DLGAP2: variants seen among roughly 807,000 people sequenced by gnomAD.
DLGAP2 encodes the protein DLG associated protein 2.
Under a neutral mutation model 100.3 loss-of-function variants are expected in DLGAP2, and 26 were observed. That is an observed-to-expected ratio of 0.26 (90% CI 0.19 to 0.36). The LOEUF is 0.36. DLGAP2 is among the 10% of genes least tolerant of loss of function. The pLI is 1.00. For missense variants in DLGAP2, 1,858 were observed against 1,453.2 expected (o/e 1.28, Z -4.53); for synonymous variants, 886 against 630.1 (o/e 1.41, Z -6.08).
chr8:1,345,296 C>T (rs1395124778), intron 3 of DLGAP2, among the ~76,000 whole-genome samples: 1 of 109,056 alleles, frequency 9.2e-6, no homozygotes, highest in African/African-American at 3.0e-5. Flanking sequence ...AGGTTCAGTT[C>T]CTTCAGAGCA....
At chr8:777,983 A>G (rs925650801) in intron 1 of DLGAP2, among the ~76,000 whole-genome samples, 8 of 152,102 alleles carry the variant, frequency 5.3e-5, no homozygotes, top group African/African-American at 4.8e-5. Context: ...ACTTTCAGGT[A>G]CACCAATCAG....
intron 2 of DLGAP2, among the ~76,000 whole-genome samples, chr8:1,223,799 T>C (rs368277495): frequency 6.6e-6 from 1 of 152,162 alleles, no homozygotes; most frequent in Non-Finnish European, 1.5e-5. Context: ...ATAAAAACAA[T>C]TGAATAGTAG....
At chr8:1,367,741 C>T (rs1802140703) in intron 3 of DLGAP2, among the ~76,000 whole-genome samples, 1 of 152,218 alleles carries the variant, frequency 6.6e-6, no homozygotes, top group Non-Finnish European at 1.5e-5. Flanking sequence ...CCTATTGCAG[C>T]ACGTCCTTCA....
chr8:1,597,051 A>C (rs1297517386), intron 6 of DLGAP2, among the ~76,000 whole-genome samples: 1 of 152,194 alleles, frequency 6.6e-6, no homozygotes, highest in Non-Finnish European at 1.5e-5. Context: ...ATAAGGTGTA[A>C]GGAAGGAGTC....
intron 3 of DLGAP2, among the ~76,000 whole-genome samples, chr8:1,293,424 G>A (rs1177755214): frequency 6.6e-6 from 1 of 152,112 alleles, no homozygotes; most frequent in Non-Finnish European, 1.5e-5. Flanking sequence ...CTGGGCTCCC[G>A]GACAGCTGAG....
In DLGAP2 at chr8:1,497,467, C is replaced by T. The variant is rs1459436395; in HGVS notation, c.107-3899C>T. 3.3e-5 allele frequency among the ~76,000 whole-genome samples: 5 copies of T among 152,220 alleles called. No homozygotes were observed. The South Asian group carries it at 6.2e-4, about 19-fold the overall frequency. On this transcript the variant is annotated intron_variant, in intron 3 of 14. Coordinates refer to ENST00000637795, the MANE Select transcript of DLGAP2 (RefSeq NM_001346810.2). ...GCCAACGTTGGCTTCCTAGGCCAGG[C>T]GGCCCATCTTTCCAATGACTGGTGG...
intron 1 of DLGAP2, among the ~76,000 whole-genome samples, chr8:808,465 T>G (rs984717467): frequency 6.6e-6 from 1 of 152,152 alleles, no homozygotes; most frequent in African/African-American, 2.4e-5. Flanking sequence ...TGGAAGGACA[T>G]TCCACCCCAA....
intron 2 of DLGAP2, among the ~76,000 whole-genome samples, chr8:908,595 A>G (rs1415065450): frequency 6.6e-6 from 1 of 152,226 alleles, no homozygotes; most frequent in Non-Finnish European, 1.5e-5. Context: ...AAACTTCGTT[A>G]TCATTACAAT....
chr8:1,388,126 G>C (rs1009986216), intron 3 of DLGAP2, among the ~76,000 whole-genome samples: 1 of 98,502 alleles, frequency 1.0e-5, no homozygotes, highest in Non-Finnish European at 2.5e-5. Flanking sequence ...CTCTGGTTCA[G>C]GTGTCAGGGC....
chr8:1,475,237 C>T (rs560587409), intron 3 of DLGAP2, among the ~76,000 whole-genome samples: 88 of 152,166 alleles, frequency 5.8e-4, no homozygotes, highest in African/African-American at 1.9e-3. Flanking sequence ...TGACAGTATC[C>T]GTCATACCCC....
At chr8:1,654,188 C>T (rs1798231115) in intron 8 of DLGAP2, among the ~76,000 whole-genome samples, 1 of 152,172 alleles carries the variant, frequency 6.6e-6, no homozygotes, top group South Asian at 2.1e-4. Context: ...TACGCACATG[C>T]ACATATGGAG....
At chr8:1,611,493 CCT>C (rs1316260918) in intron 6 of DLGAP2, among the ~76,000 whole-genome samples, 1 of 40,406 alleles carries the variant, frequency 2.5e-5, no homozygotes, top group Non-Finnish European at 4.2e-5. Context: ...ACAGGGATGC[CCT>C]CTCTCACCGC....
chr8:1,380,480 C>T (rs932362022), intron 3 of DLGAP2, among the ~76,000 whole-genome samples: 3 of 152,186 alleles, frequency 2.0e-5, no homozygotes, highest in Non-Finnish European at 2.9e-5. Flanking sequence ...CTCCAGTTGC[C>T]AGAGATGCTC....
At chr8:1,453,489 G>T (rs952412171) in intron 3 of DLGAP2, among the ~76,000 whole-genome samples, 2 of 152,144 alleles carry the variant, frequency 1.3e-5, no homozygotes, top group Admixed American at 1.3e-4. Flanking sequence ...GAGTGTTGGC[G>T]TGGCTGCATT....
At chr8:967,719 G>A (rs1799905815) in intron 2 of DLGAP2, among the ~76,000 whole-genome samples, 1 of 134,766 alleles carries the variant, frequency 7.4e-6, no homozygotes, top group Non-Finnish European at 1.6e-5. Context: ...TTTTACTACT[G>A]TATAAAATCT....
chr8:1,593,650 G>C (rs1796357995), intron 6 of DLGAP2, among the ~76,000 whole-genome samples: 1 of 151,922 alleles, frequency 6.6e-6, no homozygotes, highest in Admixed American at 6.6e-5. Context: ...CCAGGGGAGG[G>C]AAGGATCAGT....
At chr8:1,218,433 G>T (rs930448462) in intron 2 of DLGAP2, among the ~76,000 whole-genome samples, 1 of 152,116 alleles carries the variant, frequency 6.6e-6, no homozygotes, top group Admixed American at 6.6e-5. Flanking sequence ...TCTCTATCCC[G>T]TTCCATTGGT....
At chr8:1,431,382 A>G (rs1410175056) in intron 3 of DLGAP2, among the ~76,000 whole-genome samples, 1 of 152,232 alleles carries the variant, frequency 6.6e-6, no homozygotes, top group Non-Finnish European at 1.5e-5. Context: ...TGCACGTCTG[A>G]TCCATGCTGA....
rs1384631687 is a variant in DLGAP2, at chr8:1,039,588, G to C, written c.73+131622G>C. On this transcript the variant is annotated intron_variant, in intron 2 of 14. Coordinates refer to ENST00000637795, the MANE Select transcript of DLGAP2 (RefSeq NM_001346810.2). ...TTGGTGTGCGTGGTCAGCTCGGTGT[G>C]CGTGGTCAGCTTGGTGTGCGTGGTC... 1.5e-3 allele frequency among the ~76,000 whole-genome samples: 151 copies of C among 100,058 alleles called. 4 individuals are homozygous for C. Among genetic ancestry groups the C allele is most frequent in the Non-Finnish European group, 1.6e-3 (82 of 50,498 alleles). 65.6% of individuals were successfully genotyped at this position (100,058 alleles called of 152,430 possible).
Sources: gnomAD v4.1 joint callset for allele counts (sites outside exome capture counted in the v4.1 genomes callset) on GRCh38, gnomAD v4.1.1 for gene constraint, MANE v1.5 for transcripts, NCBI Gene and HGNC (gene_info 2026-07-23, HGNC 2026-07-21) for gene names.